C5orf22: variants seen among roughly 807,000 people sequenced by gnomAD.
The protein encoded by C5orf22 is chromosome 5 open reading frame 22.
Under a neutral mutation model 48.7 loss-of-function variants are expected in C5orf22, and 36 were observed. The ratio of observed to expected loss-of-function variants is 0.74; its 90% confidence interval spans 0.57 to 0.98. The LOEUF is 0.98. C5orf22 is among the 50% of genes least tolerant of loss of function. The probability of loss-of-function intolerance (pLI) is 0.00; values close to 1 mark genes in which losing one functional copy is unlikely to be tolerated. For missense variants in C5orf22, 486 were observed against 521.9 expected (o/e 0.93, Z 0.67); for synonymous variants, 141 against 180.8 (o/e 0.78, Z 1.76).
At chr5:31,548,284 G>A (rs1580458090) in intron 7 of C5orf22, among the ~76,000 whole-genome samples, 1 of 151,224 alleles carries the variant, frequency 6.6e-6, no homozygotes, top group Non-Finnish European at 1.5e-5. Flanking sequence ...TTGGGTGACA[G>A]AGCGAGACTC....
intron 6 of C5orf22, among the ~76,000 whole-genome samples, chr5:31,543,997 A>T (rs1026316965): frequency 6.6e-6 from 1 of 152,162 alleles, no homozygotes; most frequent in African/African-American, 2.4e-5. Context: ...CACTGAAAGA[A>T]AAGTCTCCCC....
intron 7 of C5orf22, among the ~76,000 whole-genome samples, chr5:31,547,820 C>G (rs892008269): frequency 2.6e-5 from 4 of 152,186 alleles, no homozygotes; most frequent in African/African-American, 9.7e-5. Flanking sequence ...GAGGGGCTAC[C>G]GCAAAGGTCT....
intron 4 of C5orf22, among the ~76,000 whole-genome samples, chr5:31,539,829 G>A (rs1191821064): frequency 1.3e-5 from 2 of 151,976 alleles, no homozygotes; most frequent in Non-Finnish European, 2.9e-5. Context: ...GACCACTTGA[G>A]CCAAGGAGTT....
Position 31,534,256 on chromosome 5 carries a change from C to A in C5orf22, c.82-16C>A, listed in dbSNP as rs766831369. ...TTTCAGTGTTAATTCTTATTGTGTG[C>A]CTGTGTCTTTTACAGGTTCTACCCT... On this transcript the variant is annotated splice_polypyrimidine_tract_variant and intron_variant, in intron 1 of 8. Coordinates refer to ENST00000325366, the MANE Select transcript of C5orf22 (RefSeq NM_018356.3). The A allele has an allele frequency of 6.2e-7, 1 of 1,601,614 alleles. No homozygotes were observed. The highest frequency in any genetic ancestry group is 1.1e-5 in the South Asian group (1 of 88,278).
chr5:31,553,022 T>C lies in C5orf22; in HGVS notation c.*120T>C, dbSNP rs779939726. 157 of 965,644 alleles carry C rather than the reference T, an allele frequency of 1.6e-4. No individual in the cohort carries two copies. Among genetic ancestry groups the C allele is most frequent in the Admixed American group, 7.2e-4 (26 of 35,912 alleles). The allele number at this position is 965,644 out of a possible 1,614,324, so 59.8% of individuals were successfully genotyped here. On this transcript the variant is annotated 3_prime_UTR_variant, in exon 9 of 9. Coordinates refer to ENST00000325366, the MANE Select transcript of C5orf22 (RefSeq NM_018356.3). ...TATATTAACTTTCAGTTGAAATCTTTCAGATATTTTGAATCTCTGAACAAC... is the reference window on the plus strand; with the variant it reads ...TATATTAACTTTCAGTTGAAATCTTCCAGATATTTTGAATCTCTGAACAAC...
intron 6 of C5orf22, among the ~76,000 whole-genome samples, chr5:31,543,920 G>A (rs1358407473): frequency 6.6e-6 from 1 of 152,084 alleles, no homozygotes; most frequent in African/African-American, 2.4e-5. Context: ...GACTGCAACA[G>A]TAGTGAGTTT....
chr5:31,533,488 A>C (rs774179025), intron 1 of C5orf22, among the ~76,000 whole-genome samples: 14 of 152,074 alleles, frequency 9.2e-5, no homozygotes, highest in Admixed American at 6.5e-5. Context: ...AGAGGGATTT[A>C]CTGTTGGTGA....
In C5orf22 at chr5:31,544,606, A is replaced by G. The variant is rs1465157216; in HGVS notation, c.993-1040A>G. Reference sequence around the variant, plus strand: ...TCTCAAAAAAAAAAAAAATGCATCAATGTTATATCAGATGATGTAGGATTT... The same window carrying G: ...TCTCAAAAAAAAAAAAAATGCATCAGTGTTATATCAGATGATGTAGGATTT... On this transcript the variant is annotated intron_variant, in intron 6 of 8. Transcript: ENST00000325366. Among the ~76,000 whole-genome samples the G allele has an allele frequency of 5.9e-5, 9 of 151,828 alleles. No homozygotes were observed. In the East Asian group the frequency reaches 1.5e-3, roughly 26 times the overall value.
At position 31,538,369 on chromosome 5, in the gene C5orf22, A is replaced by C. The variant is rs923979984; in HGVS notation, c.487A>C (p.Lys163Gln). The C allele has an allele frequency of 1.1e-5, 18 of 1,614,082 alleles. No homozygotes were observed. Among genetic ancestry groups the C allele is most frequent in the Non-Finnish European group, 1.5e-5 (18 of 1,180,020 alleles). Residue 163 changes from lysine (K) to glutamine (Q), a missense_variant, in exon 4 of 9, where the codon AAA becomes CAA. Lys to Gln is a moderately conservative substitution (Grantham distance 53, BLOSUM62 1). This residue lies in a region of C5orf22 where 408 missense variants were observed against 444.0 expected (regional missense o/e 0.92). Transcript: ENST00000325366. ...GGATGTAATTATGGTAAAACCTTAT[A>C]AACTCTGTAACAATCAAGAAGAAAA... The part of the protein sequence containing the change: ...QLDVIMVKPY[K>Q]LCNNQEENDA...
At chr5:31,539,122 T>TA (rs1230060529) in intron 4 of C5orf22, among the ~76,000 whole-genome samples, 1 of 151,488 alleles carries the variant, frequency 6.6e-6, no homozygotes, top group Non-Finnish European at 1.5e-5. Flanking sequence ...AATACAAGAG[T>TA]AAAAAATAAT....
chr5:31,536,797 C>A (rs78507447), intron 3 of C5orf22, among the ~76,000 whole-genome samples: 1,890 of 152,088 alleles, frequency 0.012, 43 homozygotes, highest in African/African-American at 0.043. Flanking sequence ...TCAGAAATAT[C>A]AATATGTTCT....
chr5:31,538,488 G>A lies in C5orf22; in HGVS notation c.606G>A (p.Leu202=), dbSNP rs2150073159. The A allele has an allele frequency of 6.2e-7, 1 of 1,614,148 alleles. No homozygotes were observed. Among genetic ancestry groups the A allele is most frequent in the Non-Finnish European group, 8.5e-7 (1 of 1,180,020 alleles). ...STNCDSSSEG[L]EKDTATQRSD... is the part of the protein sequence containing the mutation. ...ACTGTGACTCTTCTTCAGAAGGACT[G>A]GAAAAGGACACAGCAACACAGAGAA... The change falls in exon 4 of 9, where the codon CTG becomes CTA. Residue 202 remains leucine (L), a synonymous_variant. Coordinates refer to ENST00000325366, the MANE Select transcript of C5orf22 (RefSeq NM_018356.3).
rs759197353 is a variant in C5orf22, at chr5:31,540,642, G to A, written c.808-307G>A. ...ATATTATTTAAAATATTTTCATCTC[G>A]TGACCCATTAGCCACCAAGTATGCT... is the stretch of plus-strand genomic sequence containing the variant. On this transcript the variant is annotated intron_variant, in intron 4 of 8. Transcript: ENST00000325366. Among the ~76,000 whole-genome samples the A allele has an allele frequency of 8.3e-4, 126 of 152,024 alleles. 1 individual carries two copies. The highest frequency in any genetic ancestry group is 3.8e-4 in the Non-Finnish European group (26 of 68,006).
At chr5:31,532,525 CTCAGAGGGCCAA>C (rs772293805) in intron 1 of C5orf22, 52 bp downstream of exon 1, 1 of 1,503,698 alleles carries the variant, frequency 6.7e-7, no homozygotes, top group Admixed American at 1.7e-5. Context: ...AGCCCTGACG[CTCAGAGGGCCAA>C]GCAGAGGGCG....
Position 31,551,285 on chromosome 5 carries a change from A to T in C5orf22, c.1060-8A>T. ...ATACAGTGTAATTTTTAATTGTCTT[A>T]TTTTCAGGTTCACCAGGCTGGTTTA... On this transcript the variant is annotated splice_region_variant and splice_polypyrimidine_tract_variant and intron_variant, in intron 7 of 8. Coordinates refer to ENST00000325366, the MANE Select transcript of C5orf22 (RefSeq NM_018356.3). The T allele has an allele frequency of 6.2e-7, 1 of 1,612,420 alleles. No homozygotes were observed.
chr5:31,542,098 G>A (rs11750666), intron 6 of C5orf22, among the ~76,000 whole-genome samples: 69,782 of 151,814 alleles, frequency 0.46, 16,488 homozygotes, highest in South Asian at 0.54. Context: ...TCTAAGTAGA[G>A]TAAGAAAGAA....
At chr5:31,547,929 C>CA (rs1464096071) in intron 7 of C5orf22, among the ~76,000 whole-genome samples, 3 of 152,286 alleles carry the variant, frequency 2.0e-5, no homozygotes, top group South Asian at 2.1e-4. Flanking sequence ...AATTTCTCCT[C>CA]AAAAAATGGA....
chr5:31,543,294 G>A (rs13156742), intron 6 of C5orf22, among the ~76,000 whole-genome samples: 20,332 of 152,238 alleles, frequency 0.13, 1,598 homozygotes, highest in Non-Finnish European at 0.17. Flanking sequence ...ATGGCCGGGC[G>A]TGGTGGCTCA....
chr5:31,544,105 A>T (rs890945171), intron 6 of C5orf22, among the ~76,000 whole-genome samples: 6 of 152,146 alleles, frequency 3.9e-5, no homozygotes, highest in Non-Finnish European at 7.4e-5. Context: ...AGCCTAGAAA[A>T]TGTCATTAAT....
Sources: gnomAD v4.1 joint callset for allele counts (sites outside exome capture counted in the v4.1 genomes callset) on GRCh38, gnomAD v4.1.1 for gene constraint, gnomAD v4.1.1 regional missense constraint, MANE v1.5 for transcripts, NCBI Gene and HGNC (gene_info 2026-07-23, HGNC 2026-07-21) for gene names.